The following EPRS1 variants were observed in gnomAD, a reference collection of about 807,000 sequenced individuals.
EPRS1 encodes the protein bifunctional glutamate/proline--tRNA ligase.
EPRS1 carries 107 observed loss-of-function variants against 188.3 expected under a neutral mutation model. The observed-to-expected ratio is 0.57, with a 90% CI of 0.49 to 0.67. EPRS1 has a LOEUF of 0.67. Among genes scored for constraint, EPRS1 ranks in the 30% least tolerant of loss-of-function variants. The pLI, the probability that EPRS1 is intolerant of heterozygous loss-of-function variation, is 0.00. For missense variants in EPRS1, 1,577 were observed against 1,802.2 expected, an observed-to-expected ratio of 0.88 and a Z score of 2.26; for synonymous variants, 596 against 593.1, an observed-to-expected ratio of 1.00 and a Z score of -0.07.
At chr1:219,970,064 C>T (rs1660635300) in intron 30 of EPRS1, among the ~76,000 whole-genome samples, 2 of 152,208 alleles carry the variant, frequency 1.3e-5, no homozygotes, top group Non-Finnish European at 2.9e-5. Context: ...TCAAGCAGTC[C>T]ACCCACCTCG....
chr1:219,974,623 C>T, intron 28 of EPRS1, among the ~76,000 whole-genome samples: 1 of 151,860 alleles, frequency 6.6e-6, no homozygotes, highest in East Asian at 1.9e-4. Context: ...TTAAATATTA[C>T]TCTAGAAGTC....
chr1:220,022,319 C>T, intron 9 of EPRS1, 28 bp downstream of exon 9: 2 of 1,586,426 alleles, frequency 1.3e-6, no homozygotes, highest in Admixed American at 1.7e-5. Context: ...CAGATGGCTA[C>T]CTAGCATATT....
Position 220,020,108 on chromosome 1 carries a change from A to G in EPRS1, c.1229T>C (p.Ile410Thr). 1 of 1,614,038 alleles carries G rather than the reference A, an allele frequency of 6.2e-7. No individual in the cohort carries two copies. The highest frequency in any genetic ancestry group is 8.5e-7 in the Non-Finnish European group (1 of 1,179,890). ...HDRDEQFYWI[I>T]EALGIRKPYI... is the part of the protein sequence containing the mutation. ...TGGTTTTCTTATGCCTAAAGCTTCA[A>G]TAATCCAGTAAAACTGCTCATCTCT... is the stretch of plus-strand genomic sequence containing the variant. The change falls in exon 10 of 32, where the codon ATT becomes ACT. Residue 410 changes from isoleucine (I) to threonine (T), a missense_variant. Ile to Thr is a moderately conservative substitution (Grantham distance 89, BLOSUM62 -1). Around this residue, in one of 3 missense-constraint regions of EPRS1, gnomAD observed 1,278 missense variants for 1,457.4 expected, o/e 0.88. Coordinates refer to ENST00000366923, the MANE Select transcript of EPRS1 (RefSeq NM_004446.3).
At chr1:220,042,697 G>A (rs1379610574) in intron 1 of EPRS1, among the ~76,000 whole-genome samples, 3 of 151,732 alleles carry the variant, frequency 2.0e-5, no homozygotes, top group Non-Finnish European at 4.4e-5. Context: ...TGAGGGGGGC[G>A]GATCATGAGG....
rs752023652 is a variant in EPRS1, at chr1:219,978,668, C to T, written c.3961G>A (p.Glu1321Lys). The change falls in exon 28 of 32, where the codon GAA becomes AAA. Residue 1321 changes from glutamate (E) to lysine (K), a missense_variant. By Grantham distance (56) the Glu-to-Lys change is moderately conservative. Coordinates refer to ENST00000366923, the MANE Select transcript of EPRS1 (RefSeq NM_004446.3). Reference protein sequence around the residue: ...ITNALSEEDKEALIAKCNDYR... With the variant: ...ITNALSEEDKKALIAKCNDYR... The stretch of plus-strand genomic sequence containing the variant: ...TCATTGCATTTTGCAATCAGCGCTT[C>T]TTTGTCTTCTTCAGAAAGTGCATTG... 6.2e-7 allele frequency: 1 copy of T among 1,612,722 alleles called. No individual in the cohort carries two copies. The highest frequency in any genetic ancestry group is 8.5e-7 in the Non-Finnish European group (1 of 1,179,284).
intron 6 of EPRS1, among the ~76,000 whole-genome samples, chr1:220,026,355 C>G (rs969297877): frequency 6.6e-6 from 1 of 152,132 alleles, no homozygotes; most frequent in African/African-American, 2.4e-5. Flanking sequence ...CACATCAACA[C>G]CCTCCTTCTA....
At chr1:219,999,535 G>A (rs1661303070) in intron 17 of EPRS1, among the ~76,000 whole-genome samples, 1 of 152,154 alleles carries the variant, frequency 6.6e-6, no homozygotes, top group African/African-American at 2.4e-5. Flanking sequence ...CACTTTTGGA[G>A]GCCTTAAATG....
intron 12 of EPRS1, among the ~76,000 whole-genome samples, chr1:220,012,127 C>G (rs931021415): frequency 6.6e-6 from 1 of 152,100 alleles, no homozygotes; most frequent in African/African-American, 2.4e-5. Context: ...GTTTGAAAAG[C>G]TATTTAACTT....
At chr1:220,025,775 T>C (rs1196322190) in intron 6 of EPRS1, among the ~76,000 whole-genome samples, 2 of 152,048 alleles carry the variant, frequency 1.3e-5, no homozygotes, top group Non-Finnish European at 2.9e-5. Flanking sequence ...GCTTTGGTTT[T>C]CTCAGATGCC....
intron 20 of EPRS1, among the ~76,000 whole-genome samples, chr1:219,984,752 C>A (rs908086690): frequency 5.4e-5 from 8 of 147,390 alleles, no homozygotes. Flanking sequence ...CCTAAAAAAA[C>A]AGTAGAAATG....
intron 5 of EPRS1, among the ~76,000 whole-genome samples, chr1:220,031,607 A>G (rs1007449664): frequency 6.6e-6 from 1 of 152,244 alleles, no homozygotes; most frequent in African/African-American, 2.4e-5. Flanking sequence ...TTCAAATTTT[A>G]CATTAGAAAA....
chr1:219,980,881 T>C (rs780074485), intron 24 of EPRS1, 24 bp from the exon 25 acceptor site: 17 of 1,542,074 alleles, frequency 1.1e-5, no homozygotes, highest in Non-Finnish European at 1.4e-5. Context: ...GAAAACAATT[T>C]AGTCATTATA....
In EPRS1 at chr1:219,972,146, C is replaced by A. The variant is rs371986872; in HGVS notation, c.4246G>T (p.Ala1416Ser). Residue 1416 changes from alanine to serine, a missense_variant and splice_region_variant, in exon 30 of 32, where the codon GCT becomes TCT. Transcript: ENST00000366923. ...ATATGAGTCTTAAGGTCTTCAGAAG[C>A]CCTACCAAACAAAATTAGAAAACAA... ...EDIQVTLFTR[A>S]SEDLKTHMVV... The A allele has an allele frequency of 5.2e-6, 8 of 1,552,264 alleles. No individual in the cohort carries two copies. The highest frequency in any genetic ancestry group is 7.0e-6 in the Non-Finnish European group (8 of 1,146,538).
intron 9 of EPRS1, among the ~76,000 whole-genome samples, chr1:220,020,844 A>G: frequency 2.0e-5 from 1 of 50,828 alleles, no homozygotes; most frequent in African/African-American, 7.6e-5. Context: ...ATATATATAT[A>G]TATATATATA....
At chr1:220,008,833 G>A (rs1176324527) in intron 13 of EPRS1, among the ~76,000 whole-genome samples, 1 of 151,990 alleles carries the variant, frequency 6.6e-6, no homozygotes, top group African/African-American at 2.4e-5. Flanking sequence ...GAACCATAAT[G>A]CCTGGTTAAT....
Position 220,005,687 on chromosome 1 carries a change from C to T in EPRS1, c.1951-327G>A, listed in dbSNP as rs565671166. On this transcript the variant is annotated intron_variant, in intron 15 of 31. Transcript: ENST00000366923. ...TAGACTTAGGTGAAAGGCATGCTGG[C>T]GTAAGGCTTAAATACGAGGGTCAGA... Among the ~76,000 whole-genome samples, 130 of 152,192 alleles carry T rather than the reference C, an allele frequency of 8.5e-4. 1 individual carries two copies. In the South Asian group the frequency reaches 0.011, roughly 13 times the overall value.
intron 20 of EPRS1, among the ~76,000 whole-genome samples, chr1:219,986,738 A>C (rs1289146738): frequency 6.6e-6 from 1 of 152,170 alleles, no homozygotes; most frequent in Non-Finnish European, 1.5e-5. Flanking sequence ...CAATGTGTAT[A>C]ATTAGGCTAC....
chr1:219,975,011 T>G (rs1226561812), intron 28 of EPRS1, among the ~76,000 whole-genome samples: 2 of 152,172 alleles, frequency 1.3e-5, no homozygotes, highest in Non-Finnish European at 2.9e-5. Context: ...AAAAACATTC[T>G]ATAAAAAACT....
At chr1:220,027,939 T>C (rs1662015627) in intron 6 of EPRS1, among the ~76,000 whole-genome samples, 3 of 151,836 alleles carry the variant, frequency 2.0e-5, no homozygotes, top group Admixed American at 2.0e-4. Context: ...ACTAACAAAA[T>C]CCCAAAAAAG....
Sources: gnomAD v4.1 joint callset for allele counts (sites outside exome capture counted in the v4.1 genomes callset) on GRCh38, gnomAD v4.1.1 for gene constraint, gnomAD v4.1.1 regional missense constraint, MANE v1.5 for transcripts, NCBI Gene and HGNC (gene_info 2026-07-23, HGNC 2026-07-21) for gene names.